SPCS3: variants seen among roughly 807,000 people sequenced by gnomAD.
The protein encoded by SPCS3 is SPase 22 kDa subunit.
A neutral mutation model predicts 17.2 loss-of-function variants in SPCS3; 9 were observed. The observed-to-expected ratio is 0.52, with a 90% CI of 0.31 to 0.91. The LOEUF is 0.91. Ranked by LOEUF, SPCS3 falls within the 40% of genes least tolerant of loss-of-function variation. SPCS3 has a pLI of 0.04. For synonymous variants in SPCS3, 87 were observed against 89.6 expected (o/e 0.97, Z 0.16); for missense variants, 139 against 217.5 (o/e 0.64, Z 2.27).
At chr4:176,328,064 A>G (rs1445325987) in intron 4 of SPCS3, 134 bp from the exon 5 acceptor site, 6 of 779,644 alleles carry the variant, frequency 7.7e-6, no homozygotes, top group Non-Finnish European at 1.2e-5. Context: ...TTCTTTTTGC[A>G]GATTAACATA....
rs1370363671 is a variant in SPCS3, at chr4:176,330,915, C to G, written c.*2585C>G. The G allele has an allele frequency of 6.6e-6, 1 of 152,192 alleles. No homozygotes were observed. The highest frequency in any genetic ancestry group is 2.4e-5 in the African/African-American group (1 of 41,442). The allele number at this position is 152,192 out of a possible 1,614,324, so 9.4% of individuals were successfully genotyped here. A position where few individuals can be genotyped will look rare whatever the true frequency, so the allele number is the denominator to read the frequency against. ...CTAACAGTTTAACCTAGACAAACATCTGTATCAGTATTTTTTTATTCCCCT... is the reference window on the plus strand; with the variant it reads ...CTAACAGTTTAACCTAGACAAACATGTGTATCAGTATTTTTTTATTCCCCT... On this transcript the variant is annotated 3_prime_UTR_variant, in exon 5 of 5. Coordinates refer to ENST00000503362, the MANE Select transcript of SPCS3 (RefSeq NM_021928.4).
intron 2 of SPCS3, among the ~76,000 whole-genome samples, chr4:176,323,214 C>A (rs939506384): frequency 1.3e-5 from 2 of 151,966 alleles, no homozygotes; most frequent in African/African-American, 4.8e-5. Context: ...ATTTTTAAGT[C>A]TTTGTGTAAT....
In SPCS3 at chr4:176,328,381, C is replaced by T; in HGVS notation, c.*51C>T. 2 of 1,333,850 alleles carry T rather than the reference C, an allele frequency of 1.5e-6. No individual in the cohort carries two copies. The highest frequency in any genetic ancestry group is 1.5e-5 in the South Asian group (1 of 65,834). 82.6% of individuals were successfully genotyped at this position (1,333,850 alleles called of 1,614,324 possible). Reference sequence around the variant, plus strand: ...TTTTTATACTTAATGAATTGTATCTCATTAATCTCTTCCCTTACATCTTCA... The same window carrying T: ...TTTTTATACTTAATGAATTGTATCTTATTAATCTCTTCCCTTACATCTTCA... On this transcript the variant is annotated 3_prime_UTR_variant, in exon 5 of 5. Transcript: ENST00000503362.
In SPCS3 at chr4:176,331,273, T is replaced by C. The variant is rs1434223131; in HGVS notation, c.*2943T>C. The C allele has an allele frequency of 6.6e-6, 1 of 152,146 alleles. No individual in the cohort carries two copies. Among genetic ancestry groups the C allele is most frequent in the Non-Finnish European group, 1.5e-5 (1 of 68,024 alleles). 9.4% of individuals were successfully genotyped at this position (152,146 alleles called of 1,614,324 possible). A position where few individuals can be genotyped will look rare whatever the true frequency, so the allele number is the denominator to read the frequency against. ...TTAGAGATCTAGAGCTTTGGATCTT[T>C]CGGGTATATGTCAATGGAGGTATTA... is the stretch of plus-strand genomic sequence containing the variant. On this transcript the variant is annotated 3_prime_UTR_variant, in exon 5 of 5. Transcript: ENST00000503362.
rs148494661 is a variant in SPCS3, at chr4:176,322,625, T to G, written c.217+382T>G. On this transcript the variant is annotated intron_variant, in intron 2 of 4. Transcript: ENST00000503362. The stretch of plus-strand genomic sequence containing the variant: ...ACAATTTCAAATAATATATCCATAT[T>G]TTATTATAGCAGAGAGAAACATATG... Among the ~76,000 whole-genome samples the G allele has an allele frequency of 8.6e-3, 1,304 of 151,922 alleles. 15 individuals are homozygous for G. Among genetic ancestry groups the G allele is most frequent in the African/African-American group, 0.03 (1,247 of 41,464 alleles).
chr4:176,321,947 G>C (rs1430595852), intron 1 of SPCS3: 1 of 351,458 alleles, frequency 2.8e-6, no homozygotes, highest in Non-Finnish European at 5.2e-6. Flanking sequence ...AGTTTTGTTA[G>C]GGATTCTCTT....
chr4:176,325,755 A>C (rs1731598204), intron 3 of SPCS3, among the ~76,000 whole-genome samples: 1 of 151,666 alleles, frequency 6.6e-6, no homozygotes, highest in Non-Finnish European at 1.5e-5. Flanking sequence ...TTATTTATTT[A>C]TTTTTAACAC....
chr4:176,328,528 C>G lies in SPCS3; in HGVS notation c.*198C>G, dbSNP rs555951901. On this transcript the variant is annotated 3_prime_UTR_variant, in exon 5 of 5. Coordinates refer to ENST00000503362, the MANE Select transcript of SPCS3 (RefSeq NM_021928.4). ...GGGCTACTTAATATTATGAACAAAA[C>G]AAAAAAACAAGGCTGCCACAGTGGA... 9.7e-6 allele frequency: 3 copies of G among 309,386 alleles called. No individual in the cohort carries two copies. The East Asian group carries it at 1.5e-4, about 16-fold the overall frequency. 19.2% of individuals were successfully genotyped at this position (309,386 alleles called of 1,614,324 possible).
At chr4:176,324,482 A>G (rs1028305872) in intron 3 of SPCS3, among the ~76,000 whole-genome samples, 3 of 152,140 alleles carry the variant, frequency 2.0e-5, no homozygotes, top group African/African-American at 7.2e-5. Context: ...TTAGCTCTCT[A>G]GCATTGGGGT....
chr4:176,327,173 A>C lies in SPCS3; in HGVS notation c.306A>C (p.Gln102His). 1 of 1,577,384 alleles carries C rather than the reference A, an allele frequency of 6.3e-7. No individual in the cohort carries two copies. Among genetic ancestry groups the C allele is most frequent in the Non-Finnish European group, 8.6e-7 (1 of 1,163,494 alleles). ...TCATTTTAATATAGGCTCTGAACCA[A>C]GTTGTCCTATGGGACAAGATTGTTT... ...EYSTKNNALNQVVLWDKIVLR... is the reference protein window; with the variant it reads ...EYSTKNNALNHVVLWDKIVLR... The change falls in exon 4 of 5, where the codon CAA becomes CAC. Residue 102 changes from glutamine to histidine, a missense_variant. By Grantham distance (24) the Gln-to-His change is conservative. Coordinates refer to ENST00000503362, the MANE Select transcript of SPCS3 (RefSeq NM_021928.4).
chr4:176,321,125 A>C (rs1341941034), intron 1 of SPCS3: 2 of 150,826 alleles, frequency 1.3e-5, no homozygotes, highest in Non-Finnish European at 2.9e-5. Flanking sequence ...AGAATCGCCA[A>C]GAAGCCAGTT....
At chr4:176,321,422 T>C (rs1208359304) in intron 1 of SPCS3, 1 of 152,204 alleles carries the variant, frequency 6.6e-6, no homozygotes, top group Non-Finnish European at 1.5e-5. Context: ...TGAAAAATAT[T>C]GTCAGTGGGT....
In SPCS3 at chr4:176,320,023, G is replaced by C. The variant is rs538103836; in HGVS notation, c.-54G>C. On this transcript the variant is annotated 5_prime_UTR_variant, in exon 1 of 5. Coordinates refer to ENST00000503362, the MANE Select transcript of SPCS3 (RefSeq NM_021928.4). ...GATCGCAGGGAGCCGGTCCGCCGCC[G>C]GAACGGGAGCCTGGGTGTGCGTGTG... 1.4e-6 allele frequency: 2 copies of C among 1,430,012 alleles called. No individual in the cohort carries two copies. Among genetic ancestry groups the C allele is most frequent in the East Asian group, 2.9e-5 (1 of 34,262 alleles). The allele number at this position is 1,430,012 out of a possible 1,614,324, so 88.6% of individuals were successfully genotyped here. A position where few individuals can be genotyped will look rare whatever the true frequency, so the allele number is the denominator to read the frequency against.
chr4:176,324,837 C>T (rs952824381), intron 3 of SPCS3, among the ~76,000 whole-genome samples: 1 of 152,058 alleles, frequency 6.6e-6, no homozygotes, highest in African/African-American at 2.4e-5. Flanking sequence ...TGGTGGAGCT[C>T]ATACTTGTAT....
intron 3 of SPCS3, 131 bp from the exon 4 acceptor site, chr4:176,327,031 T>C: frequency 1.8e-6 from 1 of 566,268 alleles, no homozygotes; most frequent in Non-Finnish European, 3.1e-6. Context: ...TTTGTATGCA[T>C]TAAGATTTCA....
At chr4:176,322,367 T>A in intron 2 of SPCS3, 124 bp downstream of exon 2, 2 of 599,948 alleles carry the variant, frequency 3.3e-6, no homozygotes, top group South Asian at 4.6e-5. Flanking sequence ...AAATTCCGCC[T>A]TTTTCATCAG....
rs1406573004 is a variant in SPCS3 at position 176,330,427 on chromosome 4, T to G, written c.*2097T>G. 6.6e-6 allele frequency: 1 copy of G among 152,190 alleles called. No individual in the cohort carries two copies. Among genetic ancestry groups the G allele is most frequent in the Non-Finnish European group, 1.5e-5 (1 of 68,018 alleles). The allele number at this position is 152,190 out of a possible 1,614,324, so 9.4% of individuals were successfully genotyped here. ...GTGATGAGTGGATCTGTTAGTCTGG[T>G]AGAGATTAATGTTGAAATTTACTTG... On this transcript the variant is annotated 3_prime_UTR_variant, in exon 5 of 5. Transcript: ENST00000503362.
chr4:176,325,163 C>T (rs1731589545), intron 3 of SPCS3, among the ~76,000 whole-genome samples: 1 of 150,512 alleles, frequency 6.6e-6, no homozygotes, highest in South Asian at 2.1e-4. Flanking sequence ...TCAAGCAGTT[C>T]TCCTGCCTCA....
At chr4:176,323,838 C>T (rs912759359) in intron 2 of SPCS3, among the ~76,000 whole-genome samples, 4 of 149,236 alleles carry the variant, frequency 2.7e-5, no homozygotes, top group African/African-American at 9.8e-5. Context: ...CTTGAAATAT[C>T]GAGTCCTCTT....
Sources: gnomAD v4.1 joint callset for allele counts (sites outside exome capture counted in the v4.1 genomes callset) on GRCh38, gnomAD v4.1.1 for gene constraint, MANE v1.5 for transcripts, NCBI Gene and HGNC (gene_info 2026-07-23, HGNC 2026-07-21) for gene names.